Variants in UIMC1 observed in about 807,000 individuals in gnomAD.
UIMC1 encodes ubiquitin interaction motif containing 1.
UIMC1 carries 42 observed loss-of-function variants against 84.9 expected under a neutral mutation model. The ratio of observed to expected loss-of-function variants is 0.49; its 90% confidence interval spans 0.39 to 0.64. UIMC1 has a LOEUF of 0.64. Ranked by LOEUF, UIMC1 falls within the 30% of genes least tolerant of loss-of-function variation. The pLI, the probability that UIMC1 is intolerant of heterozygous loss-of-function variation, is 0.00. For synonymous variants in UIMC1, 281 were observed against 293.0 expected (o/e 0.96, Z 0.42); for missense variants, 825 against 847.6 (o/e 0.97, Z 0.33).
intron 10 of UIMC1, among the ~76,000 whole-genome samples, chr5:176,917,537 ACTCCAGCCTGGGC>A (rs1187777489): frequency 6.6e-6 from 1 of 152,206 alleles, no homozygotes; most frequent in Non-Finnish European, 1.5e-5. Context: ...ACACCACTGC[ACTCCAGCCTGGGC>A]GACAGAATGA....
At chr5:176,934,031 G>A (rs1426031442) in intron 10 of UIMC1, among the ~76,000 whole-genome samples, 2 of 152,052 alleles carry the variant, frequency 1.3e-5, no homozygotes, top group Non-Finnish European at 2.9e-5. Context: ...ACCCAAGTCT[G>A]TTTCCCTTGC....
chr5:177,007,264 CG>C (rs1296278885), upstream of UIMC1, among the ~76,000 whole-genome samples: 3 of 141,770 alleles, frequency 2.1e-5, no homozygotes, highest in Non-Finnish European at 4.5e-5. Context: ...CGCTTGAATC[CG>C]GGAGGCGGAG....
intron 8 of UIMC1, among the ~76,000 whole-genome samples, chr5:176,955,213 T>C (rs1766444356): frequency 6.6e-6 from 1 of 152,224 alleles, no homozygotes; most frequent in Non-Finnish European, 1.5e-5. Context: ...ATTTTGTATA[T>C]CTAAATCTAT....
upstream of UIMC1, among the ~76,000 whole-genome samples, chr5:177,009,773 A>C (rs531955948): frequency 4.9e-4 from 74 of 152,074 alleles, no homozygotes; most frequent in Non-Finnish European, 9.6e-4. The surrounding 1 kb of genome is among the most constrained non-coding windows in gnomAD (Gnocchi z 4.3). Flanking sequence ...GGTGACTCAC[A>C]CCTATAATCC....
intron 6 of UIMC1, among the ~76,000 whole-genome samples, chr5:176,959,507 G>A (rs1050916882): frequency 6.6e-6 from 1 of 151,274 alleles, no homozygotes; most frequent in Non-Finnish European, 1.5e-5. Flanking sequence ...ACGAGGTCAG[G>A]AGATCGAGAC....
intron 7 of UIMC1, among the ~76,000 whole-genome samples, chr5:176,957,244 C>T (rs1261109139): frequency 6.6e-6 from 1 of 152,082 alleles, no homozygotes; most frequent in Non-Finnish European, 1.5e-5. Flanking sequence ...CAACCAGAAG[C>T]CTAAGAAAGA....
chr5:177,013,621 T>C (rs1775607402), intron 1 of UIMC1, among the ~76,000 whole-genome samples: 2 of 152,256 alleles, frequency 1.3e-5, no homozygotes, highest in East Asian at 1.9e-4. Flanking sequence ...TGTTTAGATA[T>C]AACTTCCAGT....
chr5:176,924,095 A>G (rs545254807), intron 10 of UIMC1, among the ~76,000 whole-genome samples: 1 of 152,076 alleles, frequency 6.6e-6, no homozygotes, highest in Non-Finnish European at 1.5e-5. Flanking sequence ...AGGCAGGTGG[A>G]TCACCTGAGG....
chr5:176,970,027 T>G, intron 4 of UIMC1: 1 of 215,752 alleles, frequency 4.6e-6, no homozygotes, highest in Non-Finnish European at 9.5e-6. Flanking sequence ...TCCCAGCACT[T>G]TGGGAGGCTG....
intron 10 of UIMC1, among the ~76,000 whole-genome samples, chr5:176,913,058 G>A (rs919455818): frequency 6.6e-6 from 1 of 152,114 alleles, no homozygotes; most frequent in Non-Finnish European, 1.5e-5. Flanking sequence ...CATTTACTGG[G>A]GACTATATGA....
At chr5:176,972,977 G>A (rs1259980698) in intron 3 of UIMC1, among the ~76,000 whole-genome samples, 1 of 148,822 alleles carries the variant, frequency 6.7e-6, no homozygotes. Flanking sequence ...GTGCAGTGGC[G>A]TGATCTCAGC....
chr5:176,944,527 A>G (rs1764844994), intron 9 of UIMC1, among the ~76,000 whole-genome samples: 1 of 152,244 alleles, frequency 6.6e-6, no homozygotes, highest in Non-Finnish European at 1.5e-5. Flanking sequence ...AACATCCTGC[A>G]TAGCTACTGC....
intron 3 of UIMC1, among the ~76,000 whole-genome samples, chr5:176,974,347 A>T (rs985951765): frequency 6.6e-6 from 1 of 152,138 alleles, no homozygotes; most frequent in African/African-American, 2.4e-5. Context: ...TCCATATGGG[A>T]AAAAAATGAA....
At chr5:176,989,164 G>A (rs1438172576) in intron 1 of UIMC1, among the ~76,000 whole-genome samples, 3 of 151,858 alleles carry the variant, frequency 2.0e-5, no homozygotes, top group Non-Finnish European at 4.4e-5. Flanking sequence ...ATCAGAAGTA[G>A]TCTGTACAAT....
intron 2 of UIMC1, 66 bp downstream of exon 2, chr5:176,982,403 C>T: frequency 1.3e-6 from 2 of 1,535,244 alleles, no homozygotes; most frequent in East Asian, 2.3e-5. Flanking sequence ...ACGAAACAAA[C>T]TCCCCATGGG....
chr5:176,944,264 C>T (rs1008720533), intron 9 of UIMC1, among the ~76,000 whole-genome samples: 1 of 152,210 alleles, frequency 6.6e-6, no homozygotes, highest in Non-Finnish European at 1.5e-5. Context: ...TTAAGAAGCA[C>T]CAAATAATTC....
intron 10 of UIMC1, among the ~76,000 whole-genome samples, chr5:176,931,483 A>T (rs1763074806): frequency 6.6e-6 from 1 of 152,248 alleles, no homozygotes; most frequent in Non-Finnish European, 1.5e-5. Flanking sequence ...GCATGAAGGT[A>T]CAATGAATAG....
intron 6 of UIMC1, among the ~76,000 whole-genome samples, chr5:176,967,067 A>G (rs1768414215): frequency 6.6e-6 from 1 of 152,266 alleles, no homozygotes; most frequent in African/African-American, 2.4e-5. Context: ...AGAAACTAGT[A>G]TTCATACACT....
At chr5:176,984,453 A>C (rs1771640605) in intron 1 of UIMC1, among the ~76,000 whole-genome samples, 1 of 112,116 alleles carries the variant, frequency 8.9e-6, no homozygotes, top group African/African-American at 3.5e-5. Context: ...CCGGCTGCCT[A>C]TCGTCTGGGA....
Sources: gnomAD v4.1 joint callset for allele counts (sites outside exome capture counted in the v4.1 genomes callset) on GRCh38, gnomAD v4.1.1 for gene constraint, Gnocchi (gnomAD v3.1) non-coding constraint, MANE v1.5 for transcripts, NCBI Gene and HGNC (gene_info 2026-07-23, HGNC 2026-07-21) for gene names.